MECOM: variants seen among roughly 807,000 people sequenced by gnomAD.
MECOM encodes MDS1 and EVI1 complex locus.
Under a neutral mutation model 116.3 loss-of-function variants are expected in MECOM, and 13 were observed. The ratio of observed to expected loss-of-function variants is 0.11; its 90% confidence interval spans 0.07 to 0.18. MECOM has a LOEUF of 0.18. Among genes scored for constraint, MECOM ranks in the 10% least tolerant of loss-of-function variants. MECOM has a pLI of 1.00. For missense variants in MECOM, 1,299 were observed against 1,509.0 expected, an observed-to-expected ratio of 0.86 and a Z score of 2.31; for synonymous variants, 528 against 535.2, an observed-to-expected ratio of 0.99 and a Z score of 0.19.
In MECOM at chr3:169,112,872, A is replaced by G. The variant is rs200965422; in HGVS notation, c.2492T>C (p.Val831Ala). ...TPFFMDPIYRVEKRKLTDPLE... is the reference protein window; with the variant it reads ...TPFFMDPIYRAEKRKLTDPLE... ...TGGGTCAGTTAGTTTTCTTTTCTCTACTCTGAAAGGTTAAAATTAGATTTT... is the reference window on the plus strand; with the variant it reads ...TGGGTCAGTTAGTTTTCTTTTCTCTGCTCTGAAAGGTTAAAATTAGATTTT... The change falls in exon 9 of 17, where the codon GTA becomes GCA. Residue 831 changes from valine (V) to alanine (A), a missense_variant and splice_region_variant. Around this residue, in one of 6 missense-constraint regions of MECOM, gnomAD observed 340 missense variants for 312.6 expected, o/e 1.09. Coordinates refer to ENST00000651503, the MANE Select transcript of MECOM (RefSeq NM_004991.4). The G allele has an allele frequency of 5.1e-4, 828 of 1,608,550 alleles. 1 individual carries two copies. Among genetic ancestry groups the G allele is most frequent in the Non-Finnish European group, 5.8e-4 (684 of 1,176,086 alleles).
At chr3:169,334,377 A>G (rs1284282216) in intron 2 of MECOM, among the ~76,000 whole-genome samples, 1 of 152,190 alleles carries the variant, frequency 6.6e-6, no homozygotes, top group East Asian at 1.9e-4. Flanking sequence ...TTATTAGCTC[A>G]TTCCATCTAT....
rs1318035794 is a variant in MECOM, at chr3:169,131,450, T to A, written c.592A>T (p.Thr198Ser). The A allele has an allele frequency of 6.2e-7, 1 of 1,614,044 alleles. No individual in the cohort carries two copies. Among genetic ancestry groups the A allele is most frequent in the Non-Finnish European group, 8.5e-7 (1 of 1,179,992 alleles). Reference sequence around the variant, plus strand: ...TAACCGTGGATATCCGGCGCCATAGTTTCATGGGGATAGTCTTCGCTCTTC... The same window carrying A: ...TAACCGTGGATATCCGGCGCCATAGATTCATGGGGATAGTCTTCGCTCTTC... ...FMKSEDYPHE[T>S]MAPDIHEERQ... Residue 198 changes from threonine to serine, a missense_variant, in exon 4 of 17, where the codon ACT (threonine) becomes TCT (serine). Thr to Ser is a moderately conservative substitution (Grantham distance 58, BLOSUM62 1). Coordinates refer to ENST00000651503, the MANE Select transcript of MECOM (RefSeq NM_004991.4).
intron 1 of MECOM, among the ~76,000 whole-genome samples, chr3:169,622,755 C>T (rs1009486151): frequency 6.6e-6 from 1 of 152,156 alleles, no homozygotes; most frequent in Non-Finnish European, 1.5e-5. Context: ...AGATAAAACT[C>T]TCATGAAACG....
At chr3:169,155,504 G>A (rs1165665248) in intron 2 of MECOM, among the ~76,000 whole-genome samples, 1 of 152,016 alleles carries the variant, frequency 6.6e-6, no homozygotes, top group African/African-American at 2.4e-5. Context: ...CTGAGTTTTT[G>A]TGGCATTTTT....
chr3:169,593,407 G>A (rs1042518905), intron 1 of MECOM, among the ~76,000 whole-genome samples: 3 of 152,194 alleles, frequency 2.0e-5, no homozygotes, highest in African/African-American at 7.2e-5. Flanking sequence ...CGCTGATGGA[G>A]AAAATTTCCC....
In MECOM at chr3:169,378,446, AAAGAAGGAAAGC is replaced by A. The variant is rs1228568125; in HGVS notation, c.375+2729_375+2740del. Among the ~76,000 whole-genome samples, 173 of 80,410 alleles carry A rather than the reference AAAGAAGGAAAGC, an allele frequency of 2.2e-3. 15 individuals are homozygous for A. The highest frequency in any genetic ancestry group is 4.4e-3 in the African/African-American group (54 of 12,322). The allele number at this position is 80,410 out of a possible 152,430, so 52.8% of individuals were successfully genotyped here. ...GAAAGAAAGAAAGAAAGAAAGAAAG[AAAGAAGGAAAGC>A]AAGCAAGCAAGCAAGCAAGAAAGAG... On this transcript the variant is annotated intron_variant, in intron 2 of 16. Coordinates refer to ENST00000651503, the MANE Select transcript of MECOM (RefSeq NM_004991.4).
At chr3:169,531,848 T>C (rs1302537449) in intron 1 of MECOM, among the ~76,000 whole-genome samples, 1 of 152,198 alleles carries the variant, frequency 6.6e-6, no homozygotes, top group Non-Finnish European at 1.5e-5. Flanking sequence ...GATTCCCTTT[T>C]GTACCAATTG....
intron 2 of MECOM, among the ~76,000 whole-genome samples, chr3:169,297,039 A>G (rs1469833062): frequency 6.6e-6 from 1 of 152,192 alleles, no homozygotes; most frequent in Non-Finnish European, 1.5e-5. Context: ...CTCTTTCAAC[A>G]ATTTGGAGCA....
At chr3:169,278,142 T>G (rs921787838) in intron 2 of MECOM, among the ~76,000 whole-genome samples, 1 of 152,228 alleles carries the variant, frequency 6.6e-6, no homozygotes, top group African/African-American at 2.4e-5. Context: ...TTGTTCATTT[T>G]CTTCATGTTT....
At chr3:169,367,793 C>T (rs371086904) in intron 2 of MECOM, among the ~76,000 whole-genome samples, 2 of 151,944 alleles carry the variant, frequency 1.3e-5, no homozygotes, top group African/African-American at 4.8e-5. Context: ...GCATGGCCAA[C>T]AATAATACAA....
chr3:169,633,153 C>T (rs1300987034), intron 1 of MECOM, among the ~76,000 whole-genome samples: 3 of 152,134 alleles, frequency 2.0e-5, no homozygotes, highest in African/African-American at 7.2e-5. Flanking sequence ...AAGTTCCAAG[C>T]CATTGAAACT....
intron 1 of MECOM, among the ~76,000 whole-genome samples, chr3:169,460,543 A>C (rs940824518): frequency 6.6e-6 from 1 of 152,236 alleles, no homozygotes; most frequent in Non-Finnish European, 1.5e-5. Flanking sequence ...AGAGGCAATT[A>C]AATACATTTC....
intron 1 of MECOM, among the ~76,000 whole-genome samples, chr3:169,492,450 G>A (rs1753213412): frequency 6.6e-6 from 1 of 151,998 alleles, no homozygotes; most frequent in African/African-American, 2.4e-5. Context: ...TTTTTATCCT[G>A]AATCATATAT....
rs780278469 is a variant in MECOM at position 169,095,185 on chromosome 3, G to A, written c.2910C>T (p.Asn970=). 6.2e-7 allele frequency: 1 copy of A among 1,613,518 alleles called. No individual in the cohort carries two copies. The highest frequency in any genetic ancestry group is 8.5e-7 in the Non-Finnish European group (1 of 1,179,756). The change falls in exon 13 of 17, where the codon AAC becomes AAT. Residue 970 remains asparagine, a synonymous_variant. Transcript: ENST00000651503. ...TAAATGGCTTCTCTTTATTGTGGAT[G>A]TTGCGAACATGCCTTTGCAAGTTAG... The part of the protein sequence containing the change: ...ISSNLQRHVR[N]IHNKEKPFKC...
chr3:169,084,836 C>G lies in MECOM; in HGVS notation c.*73G>C. On this transcript the variant is annotated 3_prime_UTR_variant, in exon 17 of 17. Transcript: ENST00000651503. ...TTTATAAGGCATTCTGCTCAGCAGTCTTGTAAATAGTCCTATATGAAAGAG... is the reference window on the plus strand; with the variant it reads ...TTTATAAGGCATTCTGCTCAGCAGTGTTGTAAATAGTCCTATATGAAAGAG... 1 of 1,574,414 alleles carries G rather than the reference C, an allele frequency of 6.4e-7. No individual in the cohort carries two copies.
intron 1 of MECOM, among the ~76,000 whole-genome samples, chr3:169,609,398 G>A (rs980773842): frequency 1.2e-4 from 19 of 152,112 alleles, no homozygotes; most frequent in Admixed American, 9.2e-4. Flanking sequence ...CATATCACTG[G>A]GTGATGTATT....
intron 1 of MECOM, among the ~76,000 whole-genome samples, chr3:169,527,583 T>A (rs1045061490): frequency 3.3e-5 from 5 of 152,170 alleles, no homozygotes; most frequent in Admixed American, 1.3e-4. Context: ...AATGGCATCA[T>A]CTGAATGTTT....
intron 2 of MECOM, among the ~76,000 whole-genome samples, chr3:169,212,843 C>G (rs1166604191): frequency 6.6e-6 from 1 of 151,238 alleles, no homozygotes; most frequent in East Asian, 2.0e-4. Context: ...GTCTTCACAC[C>G]TGCTGTGGCC....
At chr3:169,194,281 A>C (rs1748110040) in intron 2 of MECOM, among the ~76,000 whole-genome samples, 1 of 152,014 alleles carries the variant, frequency 6.6e-6, no homozygotes, top group Admixed American at 6.6e-5. Context: ...ACATGGACAC[A>C]GGAAGGGGAA....
Sources: allele counts gnomAD v4.1 joint callset (sites outside exome capture counted in the v4.1 genomes callset), GRCh38; gene constraint gnomAD v4.1.1; regional missense constraint gnomAD v4.1.1; transcripts MANE v1.5; gene names NCBI Gene and HGNC (gene_info 2026-07-23, HGNC 2026-07-21).